The following DDAH1 variants were observed in gnomAD, a reference collection of about 807,000 sequenced individuals.
DDAH1 encodes N(G),N(G)-dimethylarginine dimethylaminohydrolase 1.
Under a neutral mutation model 28.8 loss-of-function variants are expected in DDAH1, and 19 were observed. That is an observed-to-expected ratio of 0.66 (90% CI 0.46 to 0.97). The LOEUF (loss-of-function observed/expected upper bound fraction) is 0.97, where lower values mean the gene tolerates loss of function less well. DDAH1 is among the 50% of genes least tolerant of loss of function. The pLI, the probability that DDAH1 is intolerant of heterozygous loss-of-function variation, is 0.00. For synonymous variants in DDAH1, 153 were observed against 154.4 expected, an observed-to-expected ratio of 0.99 and a Z score of 0.07; for missense variants, 326 against 375.9, an observed-to-expected ratio of 0.87 and a Z score of 1.10.
At chr1:85,541,496 A>G (rs1658469069) in intron 1 of DDAH1, among the ~76,000 whole-genome samples, 1 of 152,228 alleles carries the variant, frequency 6.6e-6, no homozygotes, top group African/African-American at 2.4e-5. Context: ...AGGTATTGCA[A>G]CTTCAGACAT....
At chr1:85,390,159 A>AC (rs1377089328) in intron 1 of DDAH1, among the ~76,000 whole-genome samples, 1 of 152,104 alleles carries the variant, frequency 6.6e-6, no homozygotes, top group East Asian at 1.9e-4. Flanking sequence ...GTCAATCACC[A>AC]CCTCCCACCT....
chr1:85,441,592 G>T (rs1208972025), intron 1 of DDAH1, among the ~76,000 whole-genome samples: 1 of 151,916 alleles, frequency 6.6e-6, no homozygotes, highest in African/African-American at 2.4e-5. Flanking sequence ...ACTACACAAG[G>T]ATTGAAAATT....
chr1:85,397,197 TAA>T (rs993756178), intron 1 of DDAH1, among the ~76,000 whole-genome samples: 4 of 152,240 alleles, frequency 2.6e-5, no homozygotes, highest in Non-Finnish European at 4.4e-5. Flanking sequence ...ATGGCTATTT[TAA>T]GTCTTATTGT....
intron 1 of DDAH1, among the ~76,000 whole-genome samples, chr1:85,514,567 C>T (rs1443582471): frequency 1.5e-4 from 22 of 148,254 alleles, no homozygotes; most frequent in Admixed American, 1.3e-3. Flanking sequence ...TTAGTTCTTT[C>T]CCTTTTACTA....
At chr1:85,398,033 T>G (rs1651892154) in intron 1 of DDAH1, among the ~76,000 whole-genome samples, 1 of 151,896 alleles carries the variant, frequency 6.6e-6, no homozygotes, top group African/African-American at 2.4e-5. Flanking sequence ...CACATATTCC[T>G]TTATAGCAAC....
chr1:85,562,568 T>C (rs1396057754), intron 1 of DDAH1, among the ~76,000 whole-genome samples: 2 of 152,060 alleles, frequency 1.3e-5, no homozygotes, highest in Non-Finnish European at 2.9e-5. Context: ...CAATGACTGG[T>C]ACCCTTCCAT....
intron 1 of DDAH1, among the ~76,000 whole-genome samples, chr1:85,513,164 T>C (rs1177692672): frequency 6.6e-6 from 1 of 151,934 alleles, no homozygotes; most frequent in Admixed American, 6.6e-5. Flanking sequence ...TATAGACCAA[T>C]GGAACAGAAC....
intron 1 of DDAH1, among the ~76,000 whole-genome samples, chr1:85,565,498 G>C (rs1469759909): frequency 6.6e-6 from 1 of 152,050 alleles, no homozygotes; most frequent in African/African-American, 2.4e-5. Flanking sequence ...AGGAAGCTGG[G>C]TGAAGGGCTC....
intron 3 of DDAH1, among the ~76,000 whole-genome samples, chr1:85,350,890 G>A (rs1406071808): frequency 6.6e-6 from 1 of 152,104 alleles, no homozygotes; most frequent in Admixed American, 6.6e-5. Flanking sequence ...TTCCTATGCA[G>A]TGTAGAGAGC....
chr1:85,404,180 T>G (rs374411601), intron 1 of DDAH1, among the ~76,000 whole-genome samples: 6 of 152,312 alleles, frequency 3.9e-5, no homozygotes. Context: ...CAAATAAAGC[T>G]AAACAGAAAA....
chr1:85,496,448 A>T (rs1420918500), intron 1 of DDAH1, among the ~76,000 whole-genome samples: 4 of 152,240 alleles, frequency 2.6e-5, no homozygotes, highest in African/African-American at 7.2e-5. Flanking sequence ...GATGACTTTA[A>T]CTCACAACTG....
At chr1:85,435,895 A>G (rs1181351772) in intron 1 of DDAH1, among the ~76,000 whole-genome samples, 5 of 151,980 alleles carry the variant, frequency 3.3e-5, no homozygotes, top group Non-Finnish European at 5.9e-5. Flanking sequence ...GGTTCAAGCA[A>G]TTCTCGTGCC....
chr1:85,328,922 C>T (rs1647589289), intron 4 of DDAH1, among the ~76,000 whole-genome samples: 1 of 152,224 alleles, frequency 6.6e-6, no homozygotes, highest in Non-Finnish European at 1.5e-5. Context: ...GTTGGCTTTC[C>T]ATTTTAATTT....
chr1:85,445,329 C>G (rs895588470), intron 1 of DDAH1, among the ~76,000 whole-genome samples: 2 of 151,906 alleles, frequency 1.3e-5, no homozygotes, highest in Admixed American at 6.6e-5. Flanking sequence ...AACTAGGTTA[C>G]GAGGATGAAT....
Position 85,321,329 on chromosome 1 carries a change from T to G in DDAH1, c.*123A>C. On this transcript the variant is annotated 3_prime_UTR_variant, in exon 6 of 6. Coordinates refer to ENST00000284031, the MANE Select transcript of DDAH1 (RefSeq NM_012137.4). ...GAAGCAATTCAACTTAGAATCAAAT[T>G]TTGTAAACAAGAGTTAGTAGCACAG... 1 of 680,846 alleles carries G rather than the reference T, an allele frequency of 1.5e-6. No homozygotes were observed. Among genetic ancestry groups the G allele is most frequent in the Non-Finnish European group, 2.6e-6 (1 of 383,456 alleles). The allele number at this position is 680,846 out of a possible 1,614,324, so 42.2% of individuals were successfully genotyped here.
At chr1:85,550,998 C>T (rs527977113) in intron 1 of DDAH1, among the ~76,000 whole-genome samples, 4 of 152,302 alleles carry the variant, frequency 2.6e-5, no homozygotes, top group South Asian at 2.1e-4. Context: ...GCTCTGCCCA[C>T]GGAGCATTCT....
At chr1:85,387,937 A>G (rs565204068) in intron 1 of DDAH1, among the ~76,000 whole-genome samples, 56 of 152,284 alleles carry the variant, frequency 3.7e-4, no homozygotes, top group African/African-American at 1.3e-3. Context: ...CAGACATCAC[A>G]TGGTGAGAGA....
chr1:85,322,726 A>ATGCCTGGCACCC (rs1468866225), intron 5 of DDAH1, among the ~76,000 whole-genome samples: 2 of 152,182 alleles, frequency 1.3e-5, no homozygotes, highest in African/African-American at 4.8e-5. Context: ...TACACCTGGG[A>ATGCCTGGCACCC]TGCCTGGCAC....
In DDAH1 at chr1:85,464,345, T is replaced by C; in HGVS notation, c.303+398A>G. ...CGGTGTCACGACTGGCGCTGCCCCCTGGAGGGACGCCCAGCCTCCACCCGC... is the reference window on the plus strand; with the variant it reads ...CGGTGTCACGACTGGCGCTGCCCCCCGGAGGGACGCCCAGCCTCCACCCGC... On this transcript the variant is annotated intron_variant, in intron 1 of 5. Transcript: ENST00000284031. The surrounding 1 kb of genome is among the most constrained non-coding windows in gnomAD (Gnocchi z 4.4). The C allele has an allele frequency of 1.7e-6, 1 of 583,302 alleles. No individual in the cohort carries two copies. The highest frequency in any genetic ancestry group is 2.8e-6 in the Non-Finnish European group (1 of 358,216). The allele number at this position is 583,302 out of a possible 1,614,324, so 36.1% of individuals were successfully genotyped here. A position where few individuals can be genotyped will look rare whatever the true frequency, so the allele number is the denominator to read the frequency against.
Sources: gnomAD v4.1 joint callset for allele counts (sites outside exome capture counted in the v4.1 genomes callset) on GRCh38, gnomAD v4.1.1 for gene constraint, Gnocchi (gnomAD v3.1) non-coding constraint, MANE v1.5 for transcripts, NCBI Gene and HGNC (gene_info 2026-07-23, HGNC 2026-07-21) for gene names.